The following NRAP variants were observed in gnomAD, a reference collection of about 807,000 sequenced individuals.
The protein encoded by NRAP is nebulin-related-anchoring protein.
Under a neutral mutation model 225.9 loss-of-function variants are expected in NRAP, and 189 were observed. The observed-to-expected ratio is 0.84, with a 90% confidence interval of 0.74 to 0.94. The LOEUF (loss-of-function observed/expected upper bound fraction) is 0.94. Ranked by LOEUF, NRAP falls within the 40% of genes least tolerant of loss-of-function variation. The probability of loss-of-function intolerance (pLI) is 0.00; values close to 1 mark genes in which losing one functional copy is unlikely to be tolerated. For synonymous variants in NRAP, 769 were observed against 790.7 expected (o/e 0.97, Z 0.46); for missense variants, 2,176 against 2,168.7 (o/e 1.00, Z -0.07).
intron 21 of NRAP, 112 bp downstream of exon 21, chr10:113,625,935 G>C (rs1216768177): frequency 3.0e-6 from 2 of 658,726 alleles, no homozygotes; most frequent in African/African-American, 1.8e-5. Context: ...TATTTAGAGG[G>C]AAGGCTCTTT....
chr10:113,603,656 C>G (rs907819826), intron 35 of NRAP, among the ~76,000 whole-genome samples: 2 of 152,182 alleles, frequency 1.3e-5, no homozygotes, highest in Admixed American at 1.3e-4. Flanking sequence ...TGCTCAGACC[C>G]TGTGATTCCA....
At chr10:113,600,375 TCC>T (rs1375691810) in intron 35 of NRAP, among the ~76,000 whole-genome samples, 1 of 152,078 alleles carries the variant, frequency 6.6e-6, no homozygotes, top group Non-Finnish European at 1.5e-5. Context: ...AGATGGAGTC[TCC>T]CTATGTTGCC....
At chr10:113,648,163 T>C (rs1849694351) in intron 9 of NRAP, among the ~76,000 whole-genome samples, 1 of 152,180 alleles carries the variant, frequency 6.6e-6, no homozygotes, top group Non-Finnish European at 1.5e-5. Context: ...CAGGGGCCTG[T>C]CCAGCTCCAG....
At chr10:113,613,023 G>T (rs1247142617) in intron 29 of NRAP, among the ~76,000 whole-genome samples, 2 of 152,170 alleles carry the variant, frequency 1.3e-5, no homozygotes, top group African/African-American at 4.8e-5. Context: ...TTCGACTATA[G>T]TCCTTGGAGG....
At chr10:113,661,408 C>G (rs781532419) in intron 3 of NRAP, among the ~76,000 whole-genome samples, 1 of 152,084 alleles carries the variant, frequency 6.6e-6, no homozygotes, top group East Asian at 1.9e-4. Context: ...AGGTCACTAC[C>G]TCTATCTCAT....
At chr10:113,663,752 GAGA>G in intron 1 of NRAP, 56 bp downstream of exon 1, 1 of 1,194,192 alleles carries the variant, frequency 8.4e-7, no homozygotes, top group East Asian at 2.3e-5. Flanking sequence ...GTCCATATGT[GAGA>G]AGGTCAATTT....
chr10:113,628,532 G>A (rs1848407334), intron 20 of NRAP, among the ~76,000 whole-genome samples: 1 of 152,172 alleles, frequency 6.6e-6, no homozygotes, highest in African/African-American at 2.4e-5. Context: ...TCTGAAATCT[G>A]CAGTGAATTT....
intron 9 of NRAP, 118 bp downstream of exon 9, chr10:113,649,919 T>TA: frequency 3.1e-6 from 2 of 646,610 alleles, no homozygotes; most frequent in Non-Finnish European, 2.8e-6. Flanking sequence ...CTACCTTTCA[T>TA]AAAAAAGGTA....
chr10:113,615,184 G>A (rs1479652117), intron 27 of NRAP, among the ~76,000 whole-genome samples: 3 of 152,158 alleles, frequency 2.0e-5, no homozygotes, highest in Non-Finnish European at 2.9e-5. Context: ...ATAGAGGGGA[G>A]AGGAAGCAAA....
rs766994124 is a variant in NRAP at position 113,605,884 on chromosome 10, C to T, written c.3808-15G>A. The T allele has an allele frequency of 2.5e-6, 4 of 1,573,714 alleles. No homozygotes were observed. The Admixed American group carries it at 5.1e-5, about 20-fold the overall frequency. On this transcript the variant is annotated splice_polypyrimidine_tract_variant and intron_variant, in intron 33 of 41. Coordinates refer to ENST00000359988, the MANE Select transcript of NRAP (RefSeq NM_198060.4). ...TTGTATCTTGCCTAAAGTGGGAACA[C>T]ATGTAAATCTTTTTTAAAAAATTAC...
Position 113,622,183 on chromosome 10 carries a change from A to C in NRAP, c.2458-3T>G. The C allele has an allele frequency of 6.2e-7, 1 of 1,602,692 alleles. No individual in the cohort carries two copies. Among genetic ancestry groups the C allele is most frequent in the Non-Finnish European group, 8.5e-7 (1 of 1,170,146 alleles). The stretch of plus-strand genomic sequence containing the variant: ...TCATAATCCTCCTTGTACTTCACCT[A>C]AATAAGAGGAATAGAGCAGGGATAC... On this transcript the variant is annotated splice_polypyrimidine_tract_variant and splice_region_variant and intron_variant, in intron 23 of 41. Coordinates refer to ENST00000359988, the MANE Select transcript of NRAP (RefSeq NM_198060.4).
At position 113,612,220 on chromosome 10, in the gene NRAP, C is replaced by A. The variant is rs375763619; in HGVS notation, c.3498+14G>T. ...AGAAGAAGGGGCCCTGAGAAAGAGG[C>A]CAGGTCTCCTTACCTCACTCTGCAA... On this transcript the variant is annotated intron_variant, in intron 30 of 41. Transcript: ENST00000359988. The A allele has an allele frequency of 6.2e-7, 1 of 1,610,856 alleles. No homozygotes were observed.
At chr10:113,636,993 C>A in intron 14 of NRAP, among the ~76,000 whole-genome samples, 2 of 107,410 alleles carry the variant, frequency 1.9e-5, no homozygotes, top group Non-Finnish European at 3.5e-5. Flanking sequence ...GGTGACAGAG[C>A]AAGACTTCAT....
intron 14 of NRAP, among the ~76,000 whole-genome samples, chr10:113,636,026 T>G (rs969045871): frequency 1.3e-5 from 2 of 152,208 alleles, no homozygotes. Context: ...ATTGGGCCTG[T>G]TGCCAGCTGA....
intron 4 of NRAP, among the ~76,000 whole-genome samples, chr10:113,656,637 T>G (rs1850324902): frequency 6.6e-6 from 1 of 152,224 alleles, no homozygotes; most frequent in Non-Finnish European, 1.5e-5. Context: ...CATCGCAATA[T>G]CATTATGTTA....
chr10:113,609,422 C>T (rs1365305641), intron 31 of NRAP, among the ~76,000 whole-genome samples: 2 of 152,202 alleles, frequency 1.3e-5, no homozygotes, highest in Non-Finnish European at 2.9e-5. Flanking sequence ...CTCAGGCTGA[C>T]TGCTGAACAC....
chr10:113,657,639 A>G, intron 3 of NRAP, 65 bp from the exon 4 acceptor site: 1 of 947,100 alleles, frequency 1.1e-6, no homozygotes, highest in Non-Finnish European at 1.7e-6. Flanking sequence ...TAGACAAACA[A>G]TTCCTAGCTA....
At chr10:113,646,867 T>C in intron 10 of NRAP, 56 bp downstream of exon 10, 1 of 1,200,228 alleles carries the variant, frequency 8.3e-7, no homozygotes, top group South Asian at 1.2e-5. Flanking sequence ...AAGCACAGCC[T>C]TCAAAGTCTC....
At chr10:113,639,645 T>C (rs1274375353) in intron 14 of NRAP, among the ~76,000 whole-genome samples, 1 of 152,246 alleles carries the variant, frequency 6.6e-6, no homozygotes, top group Non-Finnish European at 1.5e-5. Context: ...AAATTTTCTA[T>C]AATAAACATG....
Sources: allele counts gnomAD v4.1 joint callset (sites outside exome capture counted in the v4.1 genomes callset), GRCh38; gene constraint gnomAD v4.1.1; transcripts MANE v1.5; gene names NCBI Gene and HGNC (gene_info 2026-07-23, HGNC 2026-07-21).